ADGRD1: variants seen among roughly 807,000 people sequenced by gnomAD.
ADGRD1 encodes G-protein coupled receptor 133.
Under a neutral mutation model 113.4 loss-of-function variants are expected in ADGRD1, and 77 were observed. The observed-to-expected ratio is 0.68, with a 90% CI of 0.57 to 0.82. The LOEUF is 0.82. Among genes scored for constraint, ADGRD1 ranks in the 40% least tolerant of loss-of-function variants. ADGRD1 has a pLI of 0.00. For synonymous variants in ADGRD1, 474 were observed against 475.0 expected (o/e 1.00, Z 0.03); for missense variants, 1,036 against 1,139.1 (o/e 0.91, Z 1.30).
Position 131,003,310 on chromosome 12 carries a change from T to C in ADGRD1, c.1144+8T>C. On this transcript the variant is annotated splice_region_variant and intron_variant, in intron 10 of 24. Coordinates refer to ENST00000261654, the MANE Select transcript of ADGRD1 (RefSeq NM_198827.5). The surrounding 1 kb of genome is among the most constrained non-coding windows in gnomAD (Gnocchi z 4.8). ...GCTCCTCTGCCATGGCAGGTAGCTG[T>C]CGCTTGTAAGGGTGAGCCACATGGC... is the stretch of plus-strand genomic sequence containing the variant. 1.3e-6 allele frequency: 2 copies of C among 1,598,060 alleles called. No individual in the cohort carries two copies. The highest frequency in any genetic ancestry group is 1.7e-6 in the Non-Finnish European group (2 of 1,166,092).
chr12:130,992,364 C>T lies in ADGRD1; in HGVS notation c.938C>T (p.Ser313Leu), dbSNP rs764392187. 14 of 1,613,674 alleles carry T rather than the reference C, an allele frequency of 8.7e-6. No homozygotes were observed. The highest frequency in any genetic ancestry group is 1.3e-5 in the African/African-American group (1 of 74,900). The change falls in exon 8 of 25, where the codon TCG becomes TTG. Residue 313 changes from serine (S) to leucine (L), a missense_variant. Coordinates refer to ENST00000261654, the MANE Select transcript of ADGRD1 (RefSeq NM_198827.5). ...VSLSLPSKSL[S>L]EQTALNLTKT... The stretch of plus-strand genomic sequence containing the variant: ...CTCAGCTTACCCAGTAAGTCCCTCT[C>T]GGAGCAGACAGCCTTGAATCTCACC...
At chr12:131,080,539 T>C (rs931099543) in intron 14 of ADGRD1, among the ~76,000 whole-genome samples, 4 of 152,218 alleles carry the variant, frequency 2.6e-5, no homozygotes, top group African/African-American at 9.6e-5. Flanking sequence ...TTCTGTCAAC[T>C]TGTTCTGTCA....
chr12:131,082,290 C>T (rs543499322), intron 14 of ADGRD1, among the ~76,000 whole-genome samples: 46 of 152,208 alleles, frequency 3.0e-4, no homozygotes, highest in Admixed American at 2.4e-3. Context: ...GTCATAGGGC[C>T]GTACATATCT....
At chr12:130,983,697 G>A (rs1873287913) in intron 5 of ADGRD1, among the ~76,000 whole-genome samples, 1 of 152,168 alleles carries the variant, frequency 6.6e-6, no homozygotes, top group Admixed American at 6.5e-5. Flanking sequence ...GACCAACCTA[G>A]GGTCCAAGCG....
intron 14 of ADGRD1, among the ~76,000 whole-genome samples, chr12:131,079,240 G>A (rs1036073102): frequency 3.3e-5 from 5 of 152,156 alleles, no homozygotes; most frequent in Admixed American, 6.5e-5. Context: ...TGGATGTACC[G>A]TAGTTTATTT....
rs1212811737 is a variant in ADGRD1, at chr12:130,953,917, C to G, written c.-549C>G. ...AGAGAGACTTACATCACTCACTCCCCCTCCACCCAGAGAGCAGGACGGAGG... is the reference window on the plus strand; with the variant it reads ...AGAGAGACTTACATCACTCACTCCCGCTCCACCCAGAGAGCAGGACGGAGG... On this transcript the variant is annotated 5_prime_UTR_variant, in exon 1 of 25. Transcript: ENST00000261654. 1.3e-5 allele frequency: 2 copies of G among 152,614 alleles called. No homozygotes were observed. The highest frequency in any genetic ancestry group is 2.9e-5 in the Non-Finnish European group (2 of 68,418). 9.5% of individuals were successfully genotyped at this position (152,614 alleles called of 1,614,324 possible). A position where few individuals can be genotyped will look rare whatever the true frequency, so the allele number is the denominator to read the frequency against.
chr12:131,058,318 G>T (rs1593137508), intron 13 of ADGRD1, among the ~76,000 whole-genome samples: 1 of 152,132 alleles, frequency 6.6e-6, no homozygotes, highest in Middle Eastern at 3.2e-3. Flanking sequence ...CTCCTCAAGA[G>T]GATGTGACCC....
chr12:131,069,886 G>T (rs1440571720), intron 13 of ADGRD1: 1 of 152,166 alleles, frequency 6.6e-6, no homozygotes, highest in Non-Finnish European at 1.5e-5. Context: ...TATTTAAAAC[G>T]TGTTAATTAT....
rs1367471517 is a variant in ADGRD1, at chr12:130,966,578, G to A, written c.187+32G>A. 7.1e-7 allele frequency: 1 copy of A among 1,404,066 alleles called. No individual in the cohort carries two copies. Among genetic ancestry groups the A allele is most frequent in the South Asian group, 1.2e-5 (1 of 86,836 alleles). The allele number at this position is 1,404,066 out of a possible 1,614,324, so 87.0% of individuals were successfully genotyped here. A position where few individuals can be genotyped will look rare whatever the true frequency, so the allele number is the denominator to read the frequency against. On this transcript the variant is annotated intron_variant, in intron 3 of 24. Transcript: ENST00000261654. The surrounding 1 kb of genome is among the most constrained non-coding windows in gnomAD (Gnocchi z 4.6). ...ACGCGGGTGCTGAGAGCGGCTGTGG[G>A]CGCGGGAATCCCAGGGCCATCAGGA...
At chr12:131,040,906 T>A (rs1215496374) in intron 13 of ADGRD1, among the ~76,000 whole-genome samples, 1 of 152,242 alleles carries the variant, frequency 6.6e-6, no homozygotes, top group Admixed American at 6.5e-5. Context: ...AGACGATTCT[T>A]ACCTTAGCAT....
intron 12 of ADGRD1, among the ~76,000 whole-genome samples, chr12:131,006,682 C>T (rs372944450): frequency 3.8e-4 from 15 of 39,290 alleles, no homozygotes; most frequent in Admixed American, 2.1e-3. Flanking sequence ...AGGGGGGCGG[C>T]GAGGCTGGGG....
intron 15 of ADGRD1, among the ~76,000 whole-genome samples, chr12:131,087,647 A>T (rs1886578626): frequency 6.6e-6 from 1 of 152,168 alleles, no homozygotes; most frequent in South Asian, 2.1e-4. Context: ...CCCGCCAGAT[A>T]ATCCCGAGGG....
At chr12:131,045,554 C>T (rs1260851413) in intron 13 of ADGRD1, among the ~76,000 whole-genome samples, 2 of 151,966 alleles carry the variant, frequency 1.3e-5, no homozygotes, top group Non-Finnish European at 2.9e-5. Context: ...GCCCACAGGC[C>T]AGCCTCGCTC....
intron 8 of ADGRD1, among the ~76,000 whole-genome samples, chr12:130,995,182 AAGT>A (rs1190350990): frequency 1.3e-5 from 2 of 152,122 alleles, no homozygotes; most frequent in African/African-American, 4.8e-5. Flanking sequence ...GACAGGGACA[AAGT>A]AGGACAAGCA....
rs147167535 is a variant in ADGRD1 at position 131,010,925 on chromosome 12, C to T, written c.1332-3274C>T. ...GTAGGCTGAGGGAAAAGAATCCTGG[C>T]CCCACTATCTGCTCCGATGCCCTCT... On this transcript the variant is annotated intron_variant, in intron 12 of 24. Coordinates refer to ENST00000261654, the MANE Select transcript of ADGRD1 (RefSeq NM_198827.5). 1.2e-3 allele frequency among the ~76,000 whole-genome samples: 190 copies of T among 152,290 alleles called. 1 individual carries two copies. Among genetic ancestry groups the T allele is most frequent in the African/African-American group, 4.5e-3 (189 of 41,558 alleles).
intron 13 of ADGRD1, chr12:131,030,799 T>G (rs1230026440): frequency 1.3e-5 from 2 of 152,244 alleles, no homozygotes; most frequent in Non-Finnish European, 2.9e-5. Flanking sequence ...AAGACACCAG[T>G]ACTTTAACCC....
chr12:131,099,516 G>A (rs1192042948), intron 15 of ADGRD1, among the ~76,000 whole-genome samples: 4 of 152,226 alleles, frequency 2.6e-5, no homozygotes, highest in Non-Finnish European at 5.9e-5. Context: ...GGACTTGAAA[G>A]CTGTGTTGAA....
chr12:130,956,074 C>T (rs966799169), intron 2 of ADGRD1, among the ~76,000 whole-genome samples: 5 of 152,234 alleles, frequency 3.3e-5, no homozygotes, highest in African/African-American at 1.2e-4. Flanking sequence ...CAGATGTGAG[C>T]CACTGGGCCT....
At chr12:130,964,351 C>T (rs1314279564) in intron 2 of ADGRD1, among the ~76,000 whole-genome samples, 1 of 152,064 alleles carries the variant, frequency 6.6e-6, no homozygotes, top group East Asian at 1.9e-4. Flanking sequence ...TGAACTGGTT[C>T]CAATGTCTTT....
Sources: gnomAD v4.1 joint callset for allele counts (sites outside exome capture counted in the v4.1 genomes callset) on GRCh38, gnomAD v4.1.1 for gene constraint, Gnocchi (gnomAD v3.1) non-coding constraint, MANE v1.5 for transcripts, NCBI Gene and HGNC (gene_info 2026-07-23, HGNC 2026-07-21) for gene names.